The following WWOX variants were observed in gnomAD, a reference collection of about 807,000 sequenced individuals.
WWOX encodes the protein WW domain-containing oxidoreductase.
Under a neutral mutation model 46.2 loss-of-function variants are expected in WWOX, and 69 were observed. The observed-to-expected ratio is 1.49, with a 90% CI of 1.23 to 1.82. The LOEUF is 1.82. Among genes scored for constraint, WWOX ranks in the 40% most tolerant of loss-of-function variants. The probability of loss-of-function intolerance (pLI) is 0.00; values close to 1 mark genes in which losing one functional copy is unlikely to be tolerated. For missense variants in WWOX, 919 were observed against 542.6 expected (o/e 1.69, Z -6.89); for synonymous variants, 359 against 202.6 (o/e 1.77, Z -6.56).
At chr16:78,805,773 T>C (rs551830178) in intron 8 of WWOX, among the ~76,000 whole-genome samples, 10 of 152,318 alleles carry the variant, frequency 6.6e-5, no homozygotes, top group African/African-American at 1.2e-4. Flanking sequence ...TCCATAGATA[T>C]CCAGTTTTTG....
chr16:79,162,783 G>A (rs930251161), intron 8 of WWOX, among the ~76,000 whole-genome samples: 1 of 152,184 alleles, frequency 6.6e-6, no homozygotes, highest in African/African-American at 2.4e-5. Context: ...CTGTGCTGGG[G>A]GAGCCAGTAG....
intron 5 of WWOX, among the ~76,000 whole-genome samples, chr16:78,200,607 A>G (rs2036199778): frequency 6.6e-6 from 1 of 150,886 alleles, no homozygotes; most frequent in Non-Finnish European, 1.5e-5. Context: ...AAATCAGTTA[A>G]TCCACATACT....
intron 8 of WWOX, among the ~76,000 whole-genome samples, chr16:78,798,146 C>T (rs1031817584): frequency 6.6e-6 from 1 of 152,068 alleles, no homozygotes; most frequent in African/African-American, 2.4e-5. Flanking sequence ...GAGCTTGGAC[C>T]AGAGCGCAGA....
At chr16:78,144,474 T>TACAC (rs2034118136) in intron 4 of WWOX, among the ~76,000 whole-genome samples, 1 of 34,470 alleles carries the variant, frequency 2.9e-5, no homozygotes, top group African/African-American at 1.4e-4. Context: ...CACACATATA[T>TACAC]ATATATATAT....
chr16:79,157,382 C>T (rs2050401800), intron 8 of WWOX, among the ~76,000 whole-genome samples: 1 of 150,452 alleles, frequency 6.6e-6, no homozygotes, highest in African/African-American at 2.5e-5. Flanking sequence ...TTGGTCAAGT[C>T]TCATAAACTG....
At chr16:78,485,783 G>T (rs1421786536) in intron 8 of WWOX, among the ~76,000 whole-genome samples, 2 of 152,126 alleles carry the variant, frequency 1.3e-5, no homozygotes, top group Non-Finnish European at 2.9e-5. Flanking sequence ...CCCAGCATGG[G>T]GCTTCATACA....
chr16:78,721,111 G>T (rs1227307203), intron 8 of WWOX, among the ~76,000 whole-genome samples: 1 of 152,108 alleles, frequency 6.6e-6, no homozygotes, highest in African/African-American at 2.4e-5. Context: ...TCTTAGCCCA[G>T]AATCTCCATA....
chr16:78,705,226 T>C (rs919750909), intron 8 of WWOX, among the ~76,000 whole-genome samples: 2 of 152,186 alleles, frequency 1.3e-5, no homozygotes, highest in African/African-American at 4.8e-5. Flanking sequence ...GTATGTGGAT[T>C]TTTCATCTGA....
intron 8 of WWOX, among the ~76,000 whole-genome samples, chr16:79,032,214 A>C (rs966911507): frequency 6.8e-6 from 1 of 146,200 alleles, no homozygotes; most frequent in Non-Finnish European, 1.5e-5. Context: ...ATGTATATAC[A>C]CATATGTATA....
At chr16:79,006,912 C>A (rs536891196) in intron 8 of WWOX, among the ~76,000 whole-genome samples, 61 of 152,284 alleles carry the variant, frequency 4.0e-4, no homozygotes, top group African/African-American at 1.4e-3. Context: ...CACTGGATGA[C>A]CCAGAATCAT....
intron 8 of WWOX, among the ~76,000 whole-genome samples, chr16:78,906,771 G>C (rs925692449): frequency 2.0e-5 from 3 of 152,182 alleles, no homozygotes; most frequent in Admixed American, 1.3e-4. Context: ...TTTTGATCAT[G>C]TGACAAGGTC....
At chr16:79,140,044 A>G (rs918833900) in intron 8 of WWOX, among the ~76,000 whole-genome samples, 2 of 152,184 alleles carry the variant, frequency 1.3e-5, no homozygotes, top group Non-Finnish European at 2.9e-5. Context: ...GGGGCCTGAT[A>G]AAGCATTTTT....
At chr16:78,857,169 C>G (rs1286989571) in intron 8 of WWOX, among the ~76,000 whole-genome samples, 1 of 151,916 alleles carries the variant, frequency 6.6e-6, no homozygotes, top group East Asian at 1.9e-4. Flanking sequence ...AGAGTTTTGG[C>G]TAAGGGAAAA....
At chr16:78,663,208 A>G (rs891449129) in intron 8 of WWOX, among the ~76,000 whole-genome samples, 1 of 152,160 alleles carries the variant, frequency 6.6e-6, no homozygotes, top group African/African-American at 2.4e-5. Context: ...TGTTTCTATG[A>G]CTTTACCTAT....
chr16:78,641,529 A>T (rs2046710697), intron 8 of WWOX, among the ~76,000 whole-genome samples: 1 of 152,126 alleles, frequency 6.6e-6, no homozygotes, highest in South Asian at 2.1e-4. Flanking sequence ...TCAAATGGGG[A>T]AAAGAACATG....
chr16:78,299,947 G>A (rs902559162), intron 5 of WWOX, among the ~76,000 whole-genome samples: 7 of 152,152 alleles, frequency 4.6e-5, no homozygotes, highest in African/African-American at 7.2e-5. Context: ...CCATCTTGCC[G>A]AGTCCAAGAG....
chr16:78,606,547 C>G (rs2045761543), intron 8 of WWOX, among the ~76,000 whole-genome samples: 1 of 151,922 alleles, frequency 6.6e-6, no homozygotes, highest in Non-Finnish European at 1.5e-5. Flanking sequence ...AAAAGCAAAT[C>G]CTGTTGACCT....
intron 8 of WWOX, among the ~76,000 whole-genome samples, chr16:78,782,849 C>G (rs1266969035): frequency 6.6e-6 from 1 of 152,110 alleles, no homozygotes; most frequent in Admixed American, 6.5e-5. Flanking sequence ...GTGCGAAGAA[C>G]ATTGTTAATT....
chr16:79,090,857 G>T lies in WWOX; in HGVS notation c.1057-120751G>T, dbSNP rs565768722. ...TGAGACATCTGGAGTGCAGCGGCAT[G>T]ATCTCAGCTCACTGCAACCTTTGCC... On this transcript the variant is annotated intron_variant, in intron 8 of 8. Coordinates refer to ENST00000566780, the MANE Select transcript of WWOX (RefSeq NM_016373.4). Among the ~76,000 whole-genome samples the T allele has an allele frequency of 2.0e-5, 3 of 152,312 alleles. No individual in the cohort carries two copies. In the South Asian group the frequency reaches 6.2e-4, roughly 32 times the overall value.
Sources: gnomAD v4.1 joint callset for allele counts (sites outside exome capture counted in the v4.1 genomes callset) on GRCh38, gnomAD v4.1.1 for gene constraint, MANE v1.5 for transcripts, NCBI Gene and HGNC (gene_info 2026-07-23, HGNC 2026-07-21) for gene names.